Variants in EPHA3 observed in about 807,000 individuals in gnomAD.
EPHA3 encodes the protein EPH receptor A3, also known as ephrin type-A receptor 3.
EPHA3 carries 42 observed loss-of-function variants against 107.1 expected under a neutral mutation model. The ratio of observed to expected loss-of-function variants is 0.39; its 90% CI spans 0.31 to 0.51. The LOEUF is 0.51. Ranked by LOEUF, EPHA3 falls within the 20% of genes least tolerant of loss-of-function variation. EPHA3 has a pLI of 0.78. For missense variants in EPHA3, 1,183 were observed against 1,211.2 expected, an observed-to-expected ratio of 0.98 and a Z score of 0.35; for synonymous variants, 461 against 424.8, an observed-to-expected ratio of 1.09 and a Z score of -1.05.
intron 6 of EPHA3, among the ~76,000 whole-genome samples, chr3:89,396,736 T>C (rs1171070237): frequency 6.6e-6 from 1 of 152,178 alleles, no homozygotes; most frequent in African/African-American, 2.4e-5. Flanking sequence ...CACTACATAT[T>C]TGTGTATCTA....
chr3:89,190,179 A>AT (rs1414911695), intron 2 of EPHA3, among the ~76,000 whole-genome samples: 5 of 152,172 alleles, frequency 3.3e-5, no homozygotes, highest in Admixed American at 2.6e-4. Flanking sequence ...TCCTTTACTT[A>AT]TTTTTTTAAC....
chr3:89,176,437 C>T (rs375986965), intron 2 of EPHA3, among the ~76,000 whole-genome samples: 7 of 140,246 alleles, frequency 5.0e-5, no homozygotes, highest in South Asian at 2.3e-4. Flanking sequence ...GCAGAGGTTG[C>T]GGTGAGCCAA....
At chr3:89,127,128 A>G in intron 1 of EPHA3, 81 bp from the exon 2 acceptor site, 1 of 1,067,644 alleles carries the variant, frequency 9.4e-7, no homozygotes, top group Non-Finnish European at 1.4e-6. Flanking sequence ...AACATCAACA[A>G]CAGACAATGT....
At chr3:89,202,559 A>G (rs1199043766) in intron 2 of EPHA3, among the ~76,000 whole-genome samples, 3 of 145,736 alleles carry the variant, frequency 2.1e-5, no homozygotes, top group Admixed American at 6.9e-5. Flanking sequence ...ATATATATAT[A>G]TGAAAAATTA....
chr3:89,233,083 A>G (rs1203248177), intron 3 of EPHA3, among the ~76,000 whole-genome samples: 4 of 152,160 alleles, frequency 2.6e-5, no homozygotes, highest in African/African-American at 9.6e-5. Flanking sequence ...CTAAATACTT[A>G]CGTTACAAGG....
At chr3:89,257,383 C>T (rs1309980131) in intron 3 of EPHA3, among the ~76,000 whole-genome samples, 1 of 152,174 alleles carries the variant, frequency 6.6e-6, no homozygotes, top group Non-Finnish European at 1.5e-5. Context: ...CCTCTCCTTG[C>T]TTTCACCCCA....
At chr3:89,287,545 C>G (rs1559633283) in intron 3 of EPHA3, among the ~76,000 whole-genome samples, 1 of 151,948 alleles carries the variant, frequency 6.6e-6, no homozygotes, top group Non-Finnish European at 1.5e-5. Context: ...AGAAGCATTA[C>G]CATCCAGAGT....
chr3:89,400,273 A>T (rs2107509868), intron 7 of EPHA3: 1 of 180,392 alleles, frequency 5.5e-6, no homozygotes, highest in South Asian at 1.9e-4. Flanking sequence ...GGCTCACTGC[A>T]AGCTCCTGCA....
rs1344504895 is a variant in EPHA3 at position 89,395,970 on chromosome 3, A to G, written c.1431+9A>G. 1.9e-6 allele frequency: 3 copies of G among 1,613,492 alleles called. No homozygotes were observed. Among genetic ancestry groups the G allele is most frequent in the Admixed American group, 3.3e-5 (2 of 59,962 alleles). On this transcript the variant is annotated intron_variant, in intron 6 of 16. Transcript: ENST00000336596. The stretch of plus-strand genomic sequence containing the variant: ...TCAAATACTATGAAAAGGTGGGGAA[A>G]CAATGTTTAAGGGTTGGGCTGTGTA...
intron 1 of EPHA3, 84 bp from the exon 2 acceptor site, chr3:89,127,125 A>G (rs1173495632): frequency 1.9e-6 from 2 of 1,042,928 alleles, no homozygotes; most frequent in Non-Finnish European, 3.0e-6. Context: ...AGCAACATCA[A>G]CAACAGACAA....
chr3:89,317,475 T>G (rs185918261), intron 3 of EPHA3, among the ~76,000 whole-genome samples: 1 of 151,886 alleles, frequency 6.6e-6, no homozygotes, highest in Non-Finnish European at 1.5e-5. Context: ...TAGCAAAATA[T>G]TATAAAATGA....
chr3:89,242,501 G>T (rs1238899195), intron 3 of EPHA3, among the ~76,000 whole-genome samples: 1 of 152,094 alleles, frequency 6.6e-6, no homozygotes, highest in Non-Finnish European at 1.5e-5. Flanking sequence ...GCAGTGGCAT[G>T]ATCTCGGCTC....
chr3:89,186,633 A>G (rs1299100150), intron 2 of EPHA3, among the ~76,000 whole-genome samples: 1 of 152,132 alleles, frequency 6.6e-6, no homozygotes, highest in African/African-American at 2.4e-5. Flanking sequence ...ATTCCATTGT[A>G]TATAAATAAG....
chr3:89,344,796 A>G (rs1271874228), intron 5 of EPHA3, among the ~76,000 whole-genome samples: 1 of 152,138 alleles, frequency 6.6e-6, no homozygotes, highest in East Asian at 1.9e-4. Flanking sequence ...TCTCTTGATG[A>G]CATTGTAAAA....
chr3:89,408,165 C>T, intron 9 of EPHA3, 34 bp downstream of exon 9: 2 of 1,600,434 alleles, frequency 1.2e-6, no homozygotes, highest in Non-Finnish European at 1.7e-6. Context: ...TGTTTTGCTT[C>T]ACCGTTTTAG....
rs1468754976 is a variant in EPHA3 at position 89,127,269 on chromosome 3, A to G, written c.149A>G (p.His50Arg). The change falls in exon 2 of 17, where the codon CAT becomes CGT. Residue 50 changes from histidine (H) to arginine (R), a missense_variant. Physicochemically the swap from His to Arg is conservative, Grantham distance 29. Transcript: ENST00000336596. The stretch of plus-strand genomic sequence containing the variant: ...CTGGGCTGGATCTCTTATCCATCAC[A>G]TGGGGTGAGTTCAATAAACTATCAC... ...GELGWISYPSHGWEEISGVDE... is the reference protein window; with the variant it reads ...GELGWISYPSRGWEEISGVDE... 4 of 1,611,596 alleles carry G rather than the reference A, an allele frequency of 2.5e-6. No individual in the cohort carries two copies. The highest frequency in any genetic ancestry group is 3.4e-6 in the Non-Finnish European group (4 of 1,178,014).
intron 1 of EPHA3, among the ~76,000 whole-genome samples, chr3:89,121,661 G>A (rs570475054): frequency 2.6e-5 from 4 of 152,062 alleles, no homozygotes; most frequent in Admixed American, 6.5e-5. Flanking sequence ...GGAGGCCGAG[G>A]CAGGAGAATT....
chr3:89,477,677 A>G (rs1396194037), intron 16 of EPHA3, among the ~76,000 whole-genome samples: 1 of 151,438 alleles, frequency 6.6e-6, no homozygotes. Flanking sequence ...GCCATTCTCA[A>G]TTTTCCTGGC....
At chr3:89,241,628 T>C (rs962607174) in intron 3 of EPHA3, among the ~76,000 whole-genome samples, 12 of 152,130 alleles carry the variant, frequency 7.9e-5, no homozygotes, top group South Asian at 2.1e-4. Context: ...CAACTCTCAT[T>C]GACAAATACC....
Sources: allele counts gnomAD v4.1 joint callset (sites outside exome capture counted in the v4.1 genomes callset), GRCh38; gene constraint gnomAD v4.1.1; transcripts MANE v1.5; gene names NCBI Gene and HGNC (gene_info 2026-07-23, HGNC 2026-07-21).